The following ZMIZ1 variants were observed in gnomAD, a reference collection of about 807,000 sequenced individuals.
The protein encoded by ZMIZ1 is zinc finger MIZ domain-containing protein 1.
Under a neutral mutation model 113.9 loss-of-function variants are expected in ZMIZ1, and 17 were observed. That is an observed-to-expected ratio of 0.15 (90% CI 0.10 to 0.22). The LOEUF is 0.22. Among genes scored for constraint, ZMIZ1 ranks in the 10% least tolerant of loss-of-function variants. The probability of loss-of-function intolerance (pLI) is 1.00; values close to 1 mark genes in which losing one functional copy is unlikely to be tolerated. For missense variants in ZMIZ1, 1,059 were observed against 1,477.8 expected (o/e 0.72, Z 4.65); for synonymous variants, 607 against 603.1 (o/e 1.01, Z -0.09).
intron 8 of ZMIZ1, among the ~76,000 whole-genome samples, chr10:79,278,431 T>C (rs1187278535): frequency 6.6e-6 from 1 of 151,068 alleles, no homozygotes; most frequent in Non-Finnish European, 1.5e-5. Context: ...TTATTTTAAT[T>C]CTTTTTTTTA....
intron 4 of ZMIZ1, among the ~76,000 whole-genome samples, chr10:79,179,418 C>A (rs1024351918): frequency 6.6e-6 from 1 of 152,222 alleles, no homozygotes; most frequent in Non-Finnish European, 1.5e-5. Flanking sequence ...AGTATGAGGT[C>A]ACACAGCCAG....
chr10:79,260,062 G>T (rs1056333496), intron 7 of ZMIZ1, among the ~76,000 whole-genome samples: 1 of 152,184 alleles, frequency 6.6e-6, no homozygotes, highest in Non-Finnish European at 1.5e-5. Context: ...CCCAGACTAG[G>T]CTGTGTCCTA....
At chr10:79,206,942 T>C (rs1051254707) in intron 5 of ZMIZ1, among the ~76,000 whole-genome samples, 3 of 152,212 alleles carry the variant, frequency 2.0e-5, no homozygotes, top group Non-Finnish European at 2.9e-5. Flanking sequence ...ATGAACTACA[T>C]TGTAGCAACA....
At position 79,296,044 on chromosome 10, in the gene ZMIZ1, G is replaced by T. The variant is rs2132047311; in HGVS notation, c.1231-427G>T. The T allele has an allele frequency of 4.8e-6, 1 of 206,382 alleles. No homozygotes were observed. Among genetic ancestry groups the T allele is most frequent in the South Asian group, 6.6e-5 (1 of 15,038 alleles). The allele number at this position is 206,382 out of a possible 1,614,324, so 12.8% of individuals were successfully genotyped here. A position where few individuals can be genotyped will look rare whatever the true frequency, so the allele number is the denominator to read the frequency against. On this transcript the variant is annotated intron_variant, in intron 12 of 24. Transcript: ENST00000334512. The surrounding 1 kb of genome is among the most constrained non-coding windows in gnomAD (Gnocchi z 4.1). ...CACCCAAGTTCAGCCTTGGAATGCA[G>T]GGGCACAGGGGGCTCCTTTCTGGAA...
intron 1 of ZMIZ1, among the ~76,000 whole-genome samples, chr10:79,088,745 C>A (rs1192057250): frequency 6.6e-6 from 1 of 152,152 alleles, no homozygotes; most frequent in Non-Finnish European, 1.5e-5. Context: ...TGAGCAGGTG[C>A]GTTTCCTAAG....
chr10:79,259,693 G>A (rs978667392), intron 7 of ZMIZ1, among the ~76,000 whole-genome samples: 3 of 149,844 alleles, frequency 2.0e-5, no homozygotes, highest in African/African-American at 7.4e-5. Flanking sequence ...TCAGCTCACT[G>A]CAACTTCTGC....
rs186713284 is a variant in ZMIZ1 at position 79,212,910 on chromosome 10, C to T, written c.175-3259C>T. Among the ~76,000 whole-genome samples the T allele has an allele frequency of 1.6e-4, 25 of 152,230 alleles. No homozygotes were observed. The East Asian group carries it at 1.7e-3, about 11-fold the overall frequency. The stretch of plus-strand genomic sequence containing the variant: ...AGCCACCATACCCAGTCAAGTTCTC[C>T]GTCTTGTGTCTGGACTTTAGTTTCC... On this transcript the variant is annotated intron_variant, in intron 6 of 24. Transcript: ENST00000334512.
intron 6 of ZMIZ1, among the ~76,000 whole-genome samples, chr10:79,212,557 G>A (rs780677367): frequency 2.6e-5 from 4 of 152,104 alleles, no homozygotes; most frequent in Non-Finnish European, 5.9e-5. Context: ...TTAAAGACCA[G>A]CCTAGCCAAC....
chr10:79,287,213 C>A (rs540516714), intron 8 of ZMIZ1, among the ~76,000 whole-genome samples: 126 of 152,332 alleles, frequency 8.3e-4, no homozygotes, highest in Non-Finnish European at 1.3e-3. Context: ...AGAGGCTGTT[C>A]CAGCCCAGCC....
rs1853901689 is a variant in ZMIZ1 at position 79,296,529 on chromosome 10, A to G, written c.1289A>G (p.Gln430Arg). The change falls in exon 13 of 25, where the codon CAG becomes CGG. Residue 430 changes from glutamine to arginine, a missense_variant. Coordinates refer to ENST00000334512, the MANE Select transcript of ZMIZ1 (RefSeq NM_020338.4). This position sits in a 1 kb window ranked among gnomAD's most constrained non-coding sequence, Gnocchi z 4.1. Reference protein sequence around the residue: ...PNSQFPTQPGQYPAPNPPRPL... With the variant: ...PNSQFPTQPGRYPAPNPPRPL... ...AGCCAGTTCCCCACCCAGCCAGGCC[A>G]GTACCCAGCCCCCAACCCCCCGAGG... 1 of 1,603,938 alleles carries G rather than the reference A, an allele frequency of 6.2e-7. No homozygotes were observed. The highest frequency in any genetic ancestry group is 2.3e-5 in the East Asian group (1 of 44,294).
At chr10:79,077,001 AC>A (rs1318160475) in intron 1 of ZMIZ1, among the ~76,000 whole-genome samples, 3 of 151,952 alleles carry the variant, frequency 2.0e-5, no homozygotes, top group Non-Finnish European at 2.9e-5. Flanking sequence ...AGAGCAAATG[AC>A]CCACTGACTT....
chr10:79,164,947 G>A (rs1007164637), intron 4 of ZMIZ1, among the ~76,000 whole-genome samples: 23 of 152,114 alleles, frequency 1.5e-4, no homozygotes, highest in African/African-American at 4.6e-4. Context: ...GGATACAGGC[G>A]CTGAGGCACC....
chr10:79,257,562 A>T (rs1221002287), intron 7 of ZMIZ1, among the ~76,000 whole-genome samples: 1 of 152,068 alleles, frequency 6.6e-6, no homozygotes, highest in Non-Finnish European at 1.5e-5. Flanking sequence ...TGGCATTGGG[A>T]GGTGCTAGCA....
At chr10:79,101,597 G>A (rs1463229223) in intron 1 of ZMIZ1, among the ~76,000 whole-genome samples, 1 of 152,172 alleles carries the variant, frequency 6.6e-6, no homozygotes, top group Non-Finnish European at 1.5e-5. Flanking sequence ...ACGTTCACAG[G>A]ACCCGTGGGG....
chr10:79,153,260 C>G (rs915411344), intron 3 of ZMIZ1, among the ~76,000 whole-genome samples: 1 of 152,228 alleles, frequency 6.6e-6, no homozygotes, highest in Non-Finnish European at 1.5e-5. Flanking sequence ...AATAAGGACC[C>G]TCCTCCTTGT....
At chr10:79,279,992 C>CTT (rs113546164) in intron 8 of ZMIZ1, among the ~76,000 whole-genome samples, 58 of 139,342 alleles carry the variant, frequency 4.2e-4, no homozygotes, top group East Asian at 1.3e-3. Context: ...ATTATTATTA[C>CTT]TTTTTTTTTT....
At chr10:79,190,076 T>C (rs1175309460) in intron 4 of ZMIZ1, among the ~76,000 whole-genome samples, 3 of 152,138 alleles carry the variant, frequency 2.0e-5, no homozygotes, top group East Asian at 1.9e-4. Flanking sequence ...GAAATCTCCA[T>C]AGGGAGCTGT....
chr10:79,281,909 G>A (rs901527389), intron 8 of ZMIZ1, among the ~76,000 whole-genome samples: 3 of 152,224 alleles, frequency 2.0e-5, no homozygotes, highest in Non-Finnish European at 2.9e-5. Flanking sequence ...CAGGGTCAAC[G>A]AGGTGGTATC....
intron 7 of ZMIZ1, among the ~76,000 whole-genome samples, chr10:79,250,700 C>T (rs761602861): frequency 6.6e-6 from 1 of 152,182 alleles, no homozygotes; most frequent in African/African-American, 2.4e-5. Context: ...GTGAGTCGAG[C>T]CATGTTGAGG....
Sources: allele counts gnomAD v4.1 joint callset (sites outside exome capture counted in the v4.1 genomes callset), GRCh38; gene constraint gnomAD v4.1.1; non-coding constraint Gnocchi (gnomAD v3.1); transcripts MANE v1.5; gene names NCBI Gene and HGNC (gene_info 2026-07-23, HGNC 2026-07-21).